The following PLSCR4 variants were observed in gnomAD, a reference collection of about 807,000 sequenced individuals.
PLSCR4 encodes Ca(2+)-dependent phospholipid scramblase 4.
PLSCR4 carries 25 observed loss-of-function variants against 36.3 expected under a neutral mutation model. That is an observed-to-expected ratio of 0.69 (90% CI 0.50 to 0.96). The LOEUF is 0.96. PLSCR4 is among the 40% of genes least tolerant of loss of function. The pLI is 0.00. For synonymous variants in PLSCR4, 122 were observed against 132.9 expected (o/e 0.92, Z 0.56); for missense variants, 408 against 414.7 (o/e 0.98, Z 0.14).
At chr3:146,218,673 C>A (rs1440128531) in intron 3 of PLSCR4, among the ~76,000 whole-genome samples, 1 of 151,996 alleles carries the variant, frequency 6.6e-6, no homozygotes, top group Non-Finnish European at 1.5e-5. Flanking sequence ...ATTGCTTCTG[C>A]AGGAAAACAA....
intron 1 of PLSCR4, among the ~76,000 whole-genome samples, chr3:146,240,269 T>A (rs1243792002): frequency 6.6e-6 from 1 of 152,072 alleles, no homozygotes; most frequent in Non-Finnish European, 1.5e-5. Flanking sequence ...CACATAAAAA[T>A]ATTCTCAATA....
chr3:146,222,235 T>A (rs1481921977), intron 1 of PLSCR4, 143 bp from the exon 2 acceptor site: 2 of 377,550 alleles, frequency 5.3e-6, no homozygotes, highest in Non-Finnish European at 9.8e-6. Context: ...AAAAAATACT[T>A]ATTGAGCACC....
chr3:146,216,087 G>A (rs149015362), intron 3 of PLSCR4, among the ~76,000 whole-genome samples: 15 of 152,168 alleles, frequency 9.9e-5, no homozygotes, highest in East Asian at 3.9e-4. Flanking sequence ...AAAATTATCC[G>A]GGCGTGGTGG....
chr3:146,241,245 TGTG>T (rs2036138576), intron 1 of PLSCR4, among the ~76,000 whole-genome samples: 1 of 152,180 alleles, frequency 6.6e-6, no homozygotes, highest in Admixed American at 6.5e-5. Context: ...AACATTAGAT[TGTG>T]GTGATAGCTT....
At position 146,193,482 on chromosome 3, in the gene PLSCR4, T is replaced by C. The variant is rs913521661; in HGVS notation, c.*929A>G. ...ACAAAAACAAAAAACAATGATCTCT[T>C]CTGGGTATCACATCAAATGAGATAC... On this transcript the variant is annotated 3_prime_UTR_variant, in exon 9 of 9. Transcript: ENST00000354952. The C allele has an allele frequency of 6.6e-6, 1 of 152,216 alleles. No individual in the cohort carries two copies. The highest frequency in any genetic ancestry group is 2.4e-5 in the African/African-American group (1 of 41,448). 9.4% of individuals were successfully genotyped at this position (152,216 alleles called of 1,614,324 possible). A position where few individuals can be genotyped will look rare whatever the true frequency, so the allele number is the denominator to read the frequency against.
intron 1 of PLSCR4, among the ~76,000 whole-genome samples, chr3:146,250,232 T>A (rs1056804734): frequency 6.6e-6 from 1 of 152,154 alleles, no homozygotes; most frequent in Non-Finnish European, 1.5e-5. Context: ...CTATTACTAT[T>A]ACAGGAGAAT....
rs982716229 is a variant in PLSCR4, at chr3:146,200,583, C to G, written c.397+452G>C. 2.0e-5 allele frequency among the ~76,000 whole-genome samples: 3 copies of G among 151,970 alleles called. No individual in the cohort carries two copies. The East Asian group carries it at 5.8e-4, about 29-fold the overall frequency. ...AGATCTTTTCTTCTTACTTCCAAAG[C>G]GAGGGCACTGCACTACGATTTGGCA... On this transcript the variant is annotated intron_variant, in intron 5 of 8. Transcript: ENST00000354952.
intron 4 of PLSCR4, among the ~76,000 whole-genome samples, chr3:146,204,280 G>A (rs993098000): frequency 1.3e-5 from 2 of 151,918 alleles, no homozygotes; most frequent in African/African-American, 2.4e-5. Context: ...AAAGACTAGG[G>A]TAGATAGAGG....
chr3:146,248,142 AATAAACATC>A (rs1328372489), intron 1 of PLSCR4, among the ~76,000 whole-genome samples: 2 of 152,190 alleles, frequency 1.3e-5, no homozygotes, highest in Non-Finnish European at 2.9e-5. Context: ...CTGTTCTTGC[AATAAACATC>A]ATAAACATCA....
At chr3:146,246,821 G>C (rs1164842152) in intron 1 of PLSCR4, among the ~76,000 whole-genome samples, 1 of 152,078 alleles carries the variant, frequency 6.6e-6, no homozygotes, top group African/African-American at 2.4e-5. Flanking sequence ...AAAAACAGAT[G>C]TTATGTGCAA....
intron 2 of PLSCR4, 79 bp from the exon 3 acceptor site, chr3:146,221,004 T>G (rs1477614368): frequency 1.3e-6 from 1 of 771,484 alleles, no homozygotes; most frequent in East Asian, 2.8e-5. Flanking sequence ...TCCTTTCTTA[T>G]GGGAATGCAT....
intron 1 of PLSCR4, among the ~76,000 whole-genome samples, chr3:146,246,765 A>T (rs981735477): frequency 6.6e-6 from 1 of 152,174 alleles, no homozygotes; most frequent in Non-Finnish European, 1.5e-5. Flanking sequence ...GCATACAGTT[A>T]AGTCACTTTG....
intron 3 of PLSCR4, among the ~76,000 whole-genome samples, chr3:146,210,498 G>A (rs1191847566): frequency 2.6e-5 from 4 of 152,150 alleles, no homozygotes; most frequent in African/African-American, 4.8e-5. Context: ...AATATACCAA[G>A]TCCTTCAAGA....
chr3:146,234,054 T>C (rs72992908), intron 1 of PLSCR4, among the ~76,000 whole-genome samples: 8,400 of 152,254 alleles, frequency 0.055, 574 homozygotes, highest in African/African-American at 0.16. Flanking sequence ...TAACATGCAG[T>C]AAACTGATAC....
At chr3:146,233,021 T>C (rs2035779137) in intron 1 of PLSCR4, among the ~76,000 whole-genome samples, 1 of 152,138 alleles carries the variant, frequency 6.6e-6, no homozygotes, top group Admixed American at 6.6e-5. Context: ...ACAAGACTGA[T>C]GAAGTTTACA....
chr3:146,231,245 T>C (rs368546045), intron 1 of PLSCR4, among the ~76,000 whole-genome samples: 10 of 152,302 alleles, frequency 6.6e-5, no homozygotes, highest in African/African-American at 2.4e-4. Context: ...ATATGTACCA[T>C]ATATTCTTTA....
intron 1 of PLSCR4, among the ~76,000 whole-genome samples, chr3:146,239,960 TCATGA>T (rs749935767): frequency 1.3e-4 from 20 of 152,080 alleles, no homozygotes; most frequent in Admixed American, 6.6e-5. Context: ...GAGTAAATCT[TCATGA>T]CATTGGGTTA....
intron 6 of PLSCR4, among the ~76,000 whole-genome samples, chr3:146,198,309 A>G (rs2033859910): frequency 6.6e-6 from 1 of 152,026 alleles, no homozygotes; most frequent in South Asian, 2.1e-4. Context: ...AAATGTATAC[A>G]CACACACACA....
At chr3:146,222,311 A>T in intron 1 of PLSCR4, 1 of 286,410 alleles carries the variant, frequency 3.5e-6, no homozygotes, top group Non-Finnish European at 6.6e-6. Context: ...ACACTCTGCC[A>T]CCTACTGTGC....
Sources: gnomAD v4.1 joint callset for allele counts (sites outside exome capture counted in the v4.1 genomes callset) on GRCh38, gnomAD v4.1.1 for gene constraint, MANE v1.5 for transcripts, NCBI Gene and HGNC (gene_info 2026-07-23, HGNC 2026-07-21) for gene names.